The following ALCAM variants were observed in gnomAD, a reference collection of about 807,000 sequenced individuals.
ALCAM encodes CD166 antigen.
In ALCAM, 30 loss-of-function variants were observed where a neutral mutation model predicts 70.9. The ratio of observed to expected loss-of-function variants is 0.42; its 90% confidence interval spans 0.32 to 0.57. The LOEUF (loss-of-function observed/expected upper bound fraction) is 0.57, where lower values mean the gene tolerates loss of function less well. ALCAM is among the 20% of genes least tolerant of loss of function. ALCAM has a pLI of 0.11. For synonymous variants in ALCAM, 249 were observed against 242.5 expected, an observed-to-expected ratio of 1.03 and a Z score of -0.25; for missense variants, 591 against 695.1, an observed-to-expected ratio of 0.85 and a Z score of 1.68.
At chr3:105,549,566 C>G (rs192924164) in intron 11 of ALCAM, among the ~76,000 whole-genome samples, 1 of 151,488 alleles carries the variant, frequency 6.6e-6, no homozygotes, top group East Asian at 1.9e-4. Context: ...TGATTACCCT[C>G]ATTAACACCT....
chr3:105,478,116 G>A (rs1449502755), intron 1 of ALCAM, among the ~76,000 whole-genome samples: 1 of 151,836 alleles, frequency 6.6e-6, no homozygotes, highest in Non-Finnish European at 1.5e-5. Flanking sequence ...CTACTATCTA[G>A]TAATTTTTTA....
At chr3:105,450,274 T>G (rs7641185) in intron 1 of ALCAM, among the ~76,000 whole-genome samples, 81,894 of 151,926 alleles carry the variant, frequency 0.54, 22,795 homozygotes, top group East Asian at 0.89. Flanking sequence ...CTTTTCTTCC[T>G]TTTCTCTTAC....
intron 11 of ALCAM, 122 bp from the exon 12 acceptor site, chr3:105,550,005 C>G: frequency 2.6e-6 from 2 of 770,672 alleles, no homozygotes; most frequent in Non-Finnish European, 3.9e-6. Context: ...TCTTACATAG[C>G]TTTTGAACAC....
In ALCAM at chr3:105,378,629, G is replaced by GT. The variant is rs5851455; in HGVS notation, c.73+11164dup. On this transcript the variant is annotated intron_variant, in intron 1 of 15. Coordinates refer to ENST00000306107, the MANE Select transcript of ALCAM (RefSeq NM_001627.4). ...ATGGATACTGGCTAGTTCTCAAATA[G>GT]TTTTTTTTTTTTTTTTGAGAAATGC... Among the ~76,000 whole-genome samples, 356 of 134,894 alleles carry GT rather than the reference G, an allele frequency of 2.6e-3. 1 individual carries two copies. Among genetic ancestry groups the GT allele is most frequent in the Middle Eastern group, 0.016 (4 of 256 alleles). 88.5% of individuals were successfully genotyped at this position (134,894 alleles called of 152,430 possible).
intron 1 of ALCAM, among the ~76,000 whole-genome samples, chr3:105,443,028 A>G (rs1051791501): frequency 2.6e-5 from 4 of 151,956 alleles, no homozygotes; most frequent in Admixed American, 6.6e-5. Flanking sequence ...ATCTTGCTAT[A>G]TTGTCCAGGC....
intron 1 of ALCAM, among the ~76,000 whole-genome samples, chr3:105,487,187 G>A (rs1938454736): frequency 6.6e-6 from 1 of 152,122 alleles, no homozygotes; most frequent in Middle Eastern, 3.4e-3. Flanking sequence ...TCTGGGGTCT[G>A]TTGTCATTTT....
intron 1 of ALCAM, among the ~76,000 whole-genome samples, chr3:105,467,078 A>C (rs1461541618): frequency 1.3e-5 from 2 of 151,340 alleles, no homozygotes; most frequent in African/African-American, 4.8e-5. Flanking sequence ...ATGTAATTTA[A>C]TCTCTTTAAA....
At chr3:105,404,046 G>T (rs1284236955) in intron 1 of ALCAM, among the ~76,000 whole-genome samples, 1 of 151,314 alleles carries the variant, frequency 6.6e-6, no homozygotes, top group Admixed American at 6.6e-5. Flanking sequence ...CAAAGAAAAA[G>T]AATGGAAAAA....
intron 1 of ALCAM, among the ~76,000 whole-genome samples, chr3:105,500,296 T>C (rs1938885660): frequency 6.6e-6 from 1 of 152,144 alleles, no homozygotes. Flanking sequence ...TCTCATCTCC[T>C]TCCTAGCTTC....
chr3:105,493,858 T>C (rs1938657275), intron 1 of ALCAM, among the ~76,000 whole-genome samples: 1 of 152,226 alleles, frequency 6.6e-6, no homozygotes, highest in Non-Finnish European at 1.5e-5. Context: ...CTAAGTACTT[T>C]ATATTAGCTT....
At chr3:105,398,831 T>C (rs1219532818) in intron 1 of ALCAM, among the ~76,000 whole-genome samples, 1 of 152,098 alleles carries the variant, frequency 6.6e-6, no homozygotes, top group Non-Finnish European at 1.5e-5. Flanking sequence ...AGATTGCTTG[T>C]TGCTTTGTTC....
chr3:105,408,183 T>C (rs1339094372), intron 1 of ALCAM, among the ~76,000 whole-genome samples: 3 of 144,198 alleles, frequency 2.1e-5, no homozygotes, highest in African/African-American at 7.7e-5. Flanking sequence ...AATACCACCA[T>C]TATTCTTCAC....
intron 6 of ALCAM, 55 bp from the exon 7 acceptor site, chr3:105,539,920 C>A (rs908129528): frequency 1.3e-6 from 2 of 1,588,722 alleles, no homozygotes; most frequent in African/African-American, 2.7e-5. Context: ...ATTGTATGCA[C>A]AGAGTAATTC....
chr3:105,367,982 A>G (rs73177459), intron 1 of ALCAM, among the ~76,000 whole-genome samples: 26,012 of 151,496 alleles, frequency 0.17, 2,438 homozygotes, highest in African/African-American at 0.23. Context: ...GAGGACTTTA[A>G]TCACCTCCCC....
intron 1 of ALCAM, among the ~76,000 whole-genome samples, chr3:105,502,406 T>C (rs949180232): frequency 2.0e-5 from 3 of 152,214 alleles, no homozygotes; most frequent in African/African-American, 7.2e-5. Context: ...TGGGTGGTTA[T>C]CAGAGTCCAT....
intron 1 of ALCAM, among the ~76,000 whole-genome samples, chr3:105,387,277 T>A (rs761023855): frequency 6.6e-6 from 1 of 151,038 alleles, no homozygotes; most frequent in Non-Finnish European, 1.5e-5. Context: ...CAAGAAACCA[T>A]CAAACAAAGC....
At chr3:105,471,595 A>G (rs1158646687) in intron 1 of ALCAM, among the ~76,000 whole-genome samples, 1 of 124,212 alleles carries the variant, frequency 8.1e-6, no homozygotes, top group Non-Finnish European at 1.7e-5. Context: ...AAAATAATTC[A>G]TTTTGTGTTT....
chr3:105,563,986 C>G (rs1181483889), intron 14 of ALCAM, among the ~76,000 whole-genome samples: 1 of 151,958 alleles, frequency 6.6e-6, no homozygotes, highest in African/African-American at 2.4e-5. Context: ...CGCGCCCGGC[C>G]CATTTCTTAT....
At chr3:105,536,318 T>A (rs1300641758) in intron 6 of ALCAM, among the ~76,000 whole-genome samples, 3 of 152,138 alleles carry the variant, frequency 2.0e-5, no homozygotes, top group African/African-American at 7.2e-5. Flanking sequence ...GGTCTCGAAC[T>A]CCTGACCTCA....
Sources: gnomAD v4.1 joint callset for allele counts (sites outside exome capture counted in the v4.1 genomes callset) on GRCh38, gnomAD v4.1.1 for gene constraint, MANE v1.5 for transcripts, NCBI Gene and HGNC (gene_info 2026-07-23, HGNC 2026-07-21) for gene names.